Variants in TPTE2 observed in about 807,000 individuals in gnomAD.
TPTE2 encodes transmembrane phosphoinositide 3-phosphatase and tensin homolog 2, also known as phosphatidylinositol 3,4,5-trisphosphate 3-phosphatase TPTE2.
A neutral mutation model predicts 78.6 loss-of-function variants in TPTE2; 53 were observed. That is an observed-to-expected ratio of 0.67 (90% confidence interval 0.54 to 0.85). The LOEUF (loss-of-function observed/expected upper bound fraction) is 0.85, where lower values mean the gene tolerates loss of function less well. Ranked by LOEUF, TPTE2 falls within the 40% of genes least tolerant of loss-of-function variation. TPTE2 has a pLI of 0.00. For synonymous variants in TPTE2, 175 were observed against 206.2 expected, an observed-to-expected ratio of 0.85 and a Z score of 1.30; for missense variants, 461 against 623.0, an observed-to-expected ratio of 0.74 and a Z score of 2.77.
At chr13:19,547,936 T>C in the TPTE2 span, among the ~76,000 whole-genome samples, 4 of 151,674 alleles carry the variant, frequency 2.6e-5, no homozygotes, top group African/African-American at 7.2e-5. Flanking sequence ...TTTTTGCAAG[T>C]AAACTTTCGT....
intron 13 of TPTE2, among the ~76,000 whole-genome samples, chr13:19,447,804 T>G (rs1173743126): frequency 6.6e-6 from 1 of 152,172 alleles, no homozygotes; most frequent in African/African-American, 2.4e-5. Context: ...TTAAATTGGT[T>G]GGATTTACAA....
intron 1 of TPTE2, among the ~76,000 whole-genome samples, chr13:19,521,352 T>TG (rs573254706): frequency 0.052 from 1,049 of 20,318 alleles, 10 homozygotes; most frequent in African/African-American, 0.072. Flanking sequence ...CCTTTAAGTC[T>TG]GTTTTTTTTC....
intron 10 of TPTE2, among the ~76,000 whole-genome samples, chr13:19,457,425 T>G (rs2497241): frequency 0.98 from 149,792 of 152,288 alleles, 73,713 homozygotes; most frequent in Middle Eastern, 1. Flanking sequence ...TGTTACACAG[T>G]TAAATGTGTG....
chr13:19,530,843 G>T (rs1308065729), intron 1 of TPTE2, among the ~76,000 whole-genome samples: 1 of 151,898 alleles, frequency 6.6e-6, no homozygotes, highest in Non-Finnish European at 1.5e-5. Flanking sequence ...TTTTTCTTAT[G>T]GTAAAATACA....
Position 19,435,900 on chromosome 13 carries a change from G to A in TPTE2, c.1116+326C>T, listed in dbSNP as rs528938426. Among the ~76,000 whole-genome samples the A allele has an allele frequency of 3.2e-4, 49 of 151,940 alleles. 1 individual carries two copies. Among genetic ancestry groups the A allele is most frequent in the Admixed American group, 9.2e-4 (14 of 15,252 alleles). ...TTTTTTACATTGAAATCAAAGGCTG[G>A]TGATTTTAGATACACTTCAGGGTCC... On this transcript the variant is annotated intron_variant, in intron 15 of 19. Coordinates refer to ENST00000400230, the Ensembl canonical transcript of TPTE2.
chr13:19,490,641 C>G (rs560475968), intron 3 of TPTE2, among the ~76,000 whole-genome samples: 6 of 152,360 alleles, frequency 3.9e-5, no homozygotes, highest in African/African-American at 1.4e-4. Context: ...AACAGTAACT[C>G]TTCACCAATC....
chr13:19,519,252 A>G (rs1478860635), intron 1 of TPTE2, among the ~76,000 whole-genome samples: 1 of 152,188 alleles, frequency 6.6e-6, no homozygotes, highest in Non-Finnish European at 1.5e-5. Flanking sequence ...AAACTGCTGT[A>G]TCAGGGCCTT....
At chr13:19,464,460 A>G (rs753748085) in exon 10 of TPTE2, 9 of 1,612,374 alleles carry the variant, frequency 5.6e-6, no homozygotes, top group East Asian at 2.2e-5. Context: ...CCTTACCTCA[A>G]TTGGATTTCT....
the TPTE2 span, chr13:19,560,970 C>T: frequency 6.3e-7 from 1 of 1,589,226 alleles, no homozygotes; most frequent in Non-Finnish European, 8.6e-7. Context: ...TTGCAGTCCT[C>T]ACAGGATGAC....
chr13:19,452,326 T>C (rs1193450206), intron 10 of TPTE2, among the ~76,000 whole-genome samples: 1 of 152,116 alleles, frequency 6.6e-6, no homozygotes, highest in Non-Finnish European at 1.5e-5. Flanking sequence ...GTTGAATCAA[T>C]GGAAGATCAA....
exon 2 of TPTE2, chr13:19,493,493 G>T (rs752903440): frequency 2.5e-6 from 4 of 1,612,548 alleles, no homozygotes; most frequent in Non-Finnish European, 3.4e-6. Flanking sequence ...AAATTCGTTT[G>T]TCTGTGGACT....
chr13:19,561,246 C>G, the TPTE2 span: 3 of 1,301,796 alleles, frequency 2.3e-6, no homozygotes, highest in South Asian at 1.5e-5. Flanking sequence ...TGCCCACCAC[C>G]TGGCTGGACA....
upstream of TPTE2, among the ~76,000 whole-genome samples, chr13:19,506,158 A>ATTTTT (rs1566069858): frequency 3.0e-4 from 7 of 23,556 alleles, no homozygotes; most frequent in Non-Finnish European, 3.9e-4. Context: ...GTGTATATAA[A>ATTTTT]TCTTTTTTTT....
At chr13:19,556,105 G>A in the TPTE2 span, among the ~76,000 whole-genome samples, 4 of 152,030 alleles carry the variant, frequency 2.6e-5, no homozygotes, top group South Asian at 2.1e-4. Flanking sequence ...GAGCCACTGC[G>A]CCCGGCCAAC....
intron 1 of TPTE2, among the ~76,000 whole-genome samples, chr13:19,531,795 C>T (rs1294948829): frequency 6.6e-6 from 1 of 152,002 alleles, no homozygotes; most frequent in African/African-American, 2.4e-5. Context: ...GGCATGGTGG[C>T]ACACACCTGT....
chr13:19,530,510 G>C (rs1192831371), intron 1 of TPTE2, among the ~76,000 whole-genome samples: 1 of 152,144 alleles, frequency 6.6e-6, no homozygotes, highest in Admixed American at 6.5e-5. Context: ...TCAAATGGTT[G>C]AAGTATCTTT....
intron 1 of TPTE2, among the ~76,000 whole-genome samples, chr13:19,521,217 G>T (rs1593416785): frequency 6.6e-6 from 1 of 152,056 alleles, no homozygotes; most frequent in East Asian, 1.9e-4. Context: ...TATTATTGTT[G>T]AATTGTTTCT....
the TPTE2 span, among the ~76,000 whole-genome samples, chr13:19,547,909 T>C: frequency 2.0e-5 from 3 of 151,554 alleles, no homozygotes; most frequent in Admixed American, 1.3e-4. Flanking sequence ...TATAATATTC[T>C]TTTATATCAT....
intron 1 of TPTE2, among the ~76,000 whole-genome samples, chr13:19,508,631 A>G (rs889684831): frequency 6.6e-6 from 1 of 152,210 alleles, no homozygotes; most frequent in Non-Finnish European, 1.5e-5. Flanking sequence ...TACCCAGAAA[A>G]TAGTAGAAAA....
Sources: allele counts gnomAD v4.1 joint callset (sites outside exome capture counted in the v4.1 genomes callset), GRCh38; gene constraint gnomAD v4.1.1; transcripts MANE v1.5; gene names NCBI Gene and HGNC (gene_info 2026-07-23, HGNC 2026-07-21).